The following GALNT11 variants were observed in gnomAD, a reference collection of about 807,000 sequenced individuals.
The protein encoded by GALNT11 is polypeptide N-acetylgalactosaminyltransferase 11, also known as UDP-GalNAc:polypeptide N-acetylgalactosaminyltransferase 11.
In GALNT11, 47 loss-of-function variants were observed where a neutral mutation model predicts 72.7. That is an observed-to-expected ratio of 0.65 (90% CI 0.51 to 0.82). The LOEUF (loss-of-function observed/expected upper bound fraction) is 0.82. GALNT11 is among the 40% of genes least tolerant of loss of function. The probability of loss-of-function intolerance (pLI) is 0.00; values close to 1 mark genes in which losing one functional copy is unlikely to be tolerated. For missense variants in GALNT11, 677 were observed against 778.4 expected, an observed-to-expected ratio of 0.87 and a Z score of 1.55; for synonymous variants, 270 against 286.6, an observed-to-expected ratio of 0.94 and a Z score of 0.58.
At chr7:152,063,303 T>C (rs1247355562) in intron 1 of GALNT11, among the ~76,000 whole-genome samples, 9 of 152,222 alleles carry the variant, frequency 5.9e-5, no homozygotes, top group Admixed American at 5.9e-4. Context: ...GTGGGATCGG[T>C]GGTGATATCC....
intron 1 of GALNT11, among the ~76,000 whole-genome samples, chr7:152,068,214 C>G (rs570797597): frequency 1.1e-4 from 16 of 152,162 alleles, no homozygotes; most frequent in Admixed American, 1.0e-3. Context: ...TACTACTGAT[C>G]TCTTTATCAT....
intron 1 of GALNT11, among the ~76,000 whole-genome samples, chr7:152,054,037 AAT>A (rs1423125242): frequency 5.9e-5 from 9 of 152,094 alleles, no homozygotes; most frequent in Non-Finnish European, 1.0e-4. Flanking sequence ...TTCTCTAGTG[AAT>A]AGTCTTTTTA....
chr7:152,031,988 A>G (rs1215633257), intron 1 of GALNT11, among the ~76,000 whole-genome samples: 1 of 152,214 alleles, frequency 6.6e-6, no homozygotes, highest in African/African-American at 2.4e-5. Context: ...TTCCTTGCCA[A>G]GGGTCCTGGT....
intron 1 of GALNT11, among the ~76,000 whole-genome samples, chr7:152,039,665 C>T (rs1169672263): frequency 6.6e-6 from 1 of 152,066 alleles, no homozygotes; most frequent in Non-Finnish European, 1.5e-5. Flanking sequence ...AACCGGGGGT[C>T]CTCGGGATTC....
chr7:152,027,173 G>A (rs1003494858), intron 1 of GALNT11, among the ~76,000 whole-genome samples: 5 of 152,116 alleles, frequency 3.3e-5, no homozygotes, highest in Non-Finnish European at 2.9e-5. Flanking sequence ...GGCGTGAATC[G>A]AGGAGGCAGA....
chr7:152,108,452 A>G (rs988319651), intron 6 of GALNT11, among the ~76,000 whole-genome samples, 165 bp downstream of exon 6: 20 of 152,210 alleles, frequency 1.3e-4, no homozygotes, highest in Admixed American at 1.1e-3. Context: ...CAGTCTGCCA[A>G]GTCCTAAGGA....
intron 1 of GALNT11, among the ~76,000 whole-genome samples, chr7:152,053,131 C>T (rs1211014292): frequency 6.6e-6 from 1 of 152,062 alleles, no homozygotes; most frequent in Non-Finnish European, 1.5e-5. Flanking sequence ...CCCTCTGTTC[C>T]AAATCATTTT....
rs747359497 is a variant in GALNT11, at chr7:152,120,898, C to T, written c.1625C>T (p.Thr542Ile). 5 of 1,613,612 alleles carry T rather than the reference C, an allele frequency of 3.1e-6. No individual in the cohort carries two copies. The highest frequency in any genetic ancestry group is 1.3e-5 in the African/African-American group (1 of 74,924). Reference protein sequence around the residue: ...NSLLCLDMSETRSSDPPRLMK... With the variant: ...NSLLCLDMSEIRSSDPPRLMK... Reference sequence around the variant, plus strand: ...CTCCTTTGTCTAGATATGTCAGAGACTCGCTCATCAGACCCGCCACGGCTC... The same window carrying T: ...CTCCTTTGTCTAGATATGTCAGAGATTCGCTCATCAGACCCGCCACGGCTC... Residue 542 changes from threonine (T) to isoleucine (I), a missense_variant, in exon 11 of 12, where the codon ACT (threonine) becomes ATT (isoleucine). Coordinates refer to ENST00000430044, the MANE Select transcript of GALNT11 (RefSeq NM_022087.4).
rs202046894 is a variant in GALNT11 at position 152,113,248 on chromosome 7, C to G, written c.1083C>G (p.Ile361Met). The G allele has an allele frequency of 5.3e-5, 85 of 1,611,702 alleles. No individual in the cohort carries two copies. Among genetic ancestry groups the G allele is most frequent in the Non-Finnish European group, 7.0e-5 (82 of 1,178,964 alleles). ...CACCTGTTTTTGCTTCTGGCCAGAT[C>G]TGGATGTGTGGCGGTAAGCTCTTCA... ...GGENLEISFR[I>M]WMCGGKLFII... Residue 361 changes from isoleucine to methionine, a missense_variant and splice_region_variant, in exon 8 of 12, where the codon ATC becomes ATG. Transcript: ENST00000430044.
At chr7:152,077,057 C>T (rs561728759) in intron 1 of GALNT11, among the ~76,000 whole-genome samples, 26 of 152,290 alleles carry the variant, frequency 1.7e-4, no homozygotes, top group African/African-American at 5.8e-4. Flanking sequence ...AACCACCACA[C>T]CCCAGCCTGG....
intron 1 of GALNT11, among the ~76,000 whole-genome samples, chr7:152,035,460 T>C (rs1379829773): frequency 6.6e-6 from 1 of 152,192 alleles, no homozygotes; most frequent in African/African-American, 2.4e-5. Flanking sequence ...CGAGTCTCGC[T>C]TGGGCAACAT....
intron 2 of GALNT11, among the ~76,000 whole-genome samples, chr7:152,096,872 C>T (rs760049051): frequency 2.6e-5 from 4 of 152,248 alleles, no homozygotes; most frequent in Middle Eastern, 3.4e-3. Context: ...CTGTCACCTG[C>T]GGTGGAGGGC....
chr7:152,071,881 T>C (rs968383279), intron 1 of GALNT11, among the ~76,000 whole-genome samples: 1 of 152,072 alleles, frequency 6.6e-6, no homozygotes, highest in African/African-American at 2.4e-5. Flanking sequence ...ATGTCAATTA[T>C]ACTTCTTTTA....
chr7:152,104,618 A>AT (rs2087326383), intron 4 of GALNT11: 1 of 152,166 alleles, frequency 6.6e-6, no homozygotes, highest in South Asian at 2.1e-4. Flanking sequence ...GGAAAAATTC[A>AT]TAATTTGAGG....
intron 1 of GALNT11, among the ~76,000 whole-genome samples, chr7:152,067,642 G>A (rs1352017831): frequency 6.6e-6 from 1 of 152,088 alleles, no homozygotes; most frequent in African/African-American, 2.4e-5. Context: ...GAGCCATCTT[G>A]CACATTTCCT....
Position 152,105,306 on chromosome 7 carries a change from C to T in GALNT11, c.648C>T (p.Val216=). ...AATACCTCCCTGGAAAAATTAAAGT[C>T]ATAAGAAATACAAAGCGTGAGGGGT... ...VQKYLPGKIK[V]IRNTKREGLI... Residue 216 remains valine, a synonymous_variant, in exon 5 of 12, where the codon GTC becomes GTT. Transcript: ENST00000430044. 1 of 1,613,830 alleles carries T rather than the reference C, an allele frequency of 6.2e-7. No homozygotes were observed. The highest frequency in any genetic ancestry group is 8.5e-7 in the Non-Finnish European group (1 of 1,179,880).
At chr7:152,044,359 T>G (rs1034151373) in intron 1 of GALNT11, among the ~76,000 whole-genome samples, 2 of 152,200 alleles carry the variant, frequency 1.3e-5, no homozygotes, top group African/African-American at 4.8e-5. Flanking sequence ...AAGAACACCT[T>G]AAGGGGTTTT....
At chr7:152,046,322 G>T (rs2083119981) in intron 1 of GALNT11, among the ~76,000 whole-genome samples, 1 of 152,116 alleles carries the variant, frequency 6.6e-6, no homozygotes, top group Admixed American at 6.5e-5. Context: ...GGTCCATTTG[G>T]TCAGTAGTAC....
chr7:152,056,068 G>A (rs183010690), intron 1 of GALNT11, among the ~76,000 whole-genome samples: 9 of 152,070 alleles, frequency 5.9e-5, no homozygotes, highest in Non-Finnish European at 1.2e-4. Flanking sequence ...TGTGAAGGAT[G>A]TTATATAAAT....
Sources: gnomAD v4.1 joint callset for allele counts (sites outside exome capture counted in the v4.1 genomes callset) on GRCh38, gnomAD v4.1.1 for gene constraint, MANE v1.5 for transcripts, NCBI Gene and HGNC (gene_info 2026-07-23, HGNC 2026-07-21) for gene names.